Variants in NXPE4 observed in about 807,000 individuals in gnomAD.
The protein encoded by NXPE4 is neurexophilin and PC-esterase domain family member 4, also known as NXPE family member 4.
A neutral mutation model predicts 33.3 loss-of-function variants in NXPE4; 42 were observed. That is an observed-to-expected ratio of 1.26 (90% CI 0.98 to 1.63). The LOEUF is 1.63. Among genes scored for constraint, NXPE4 ranks in the 40% most tolerant of loss-of-function variants. NXPE4 has a pLI of 0.00. For missense variants in NXPE4, 709 were observed against 647.6 expected, an observed-to-expected ratio of 1.09 and a Z score of -1.03; for synonymous variants, 253 against 234.9, an observed-to-expected ratio of 1.08 and a Z score of -0.71.
the NXPE4 span, among the ~76,000 whole-genome samples, chr11:114,601,341 G>C: frequency 6.8e-6 from 1 of 147,026 alleles, no homozygotes; most frequent in African/African-American, 2.5e-5. Context: ...AGAATATGTG[G>C]TATTTGGTTT....
the NXPE4 span, among the ~76,000 whole-genome samples, chr11:114,665,574 C>T: frequency 1.3e-5 from 2 of 152,138 alleles, no homozygotes; most frequent in African/African-American, 2.4e-5. Flanking sequence ...CTGAAGCCCA[C>T]GTAGTTAACA....
At chr11:114,605,228 C>T in the NXPE4 span, among the ~76,000 whole-genome samples, 1 of 151,902 alleles carries the variant, frequency 6.6e-6, no homozygotes, top group Non-Finnish European at 1.5e-5. Flanking sequence ...TGGGTAACTG[C>T]TGTTACCCAC....
chr11:114,667,518 T>C, the NXPE4 span, among the ~76,000 whole-genome samples: 4 of 152,280 alleles, frequency 2.6e-5, no homozygotes, highest in Admixed American at 2.6e-4. Context: ...AATGGATTTG[T>C]CTTGCTTCTA....
At chr11:114,608,863 A>C in the NXPE4 span, among the ~76,000 whole-genome samples, 4 of 150,872 alleles carry the variant, frequency 2.7e-5, no homozygotes. Flanking sequence ...GTGGGTAACC[A>C]CTCTTACCCG....
At chr11:114,621,684 C>T in the NXPE4 span, among the ~76,000 whole-genome samples, 1 of 152,146 alleles carries the variant, frequency 6.6e-6, no homozygotes, top group African/African-American at 2.4e-5. Context: ...AGTGATGCCT[C>T]ATTGGTAACC....
At chr11:114,590,475 A>G (rs1031584798) in intron 2 of NXPE4, among the ~76,000 whole-genome samples, 1 of 152,288 alleles carries the variant, frequency 6.6e-6, no homozygotes, top group African/African-American at 2.4e-5. Context: ...GGTGAGATAG[A>G]TCATCCTCTA....
the NXPE4 span, among the ~76,000 whole-genome samples, chr11:114,602,042 ATATAT>A: frequency 1.8e-3 from 163 of 91,470 alleles, no homozygotes; most frequent in African/African-American, 5.1e-3. Flanking sequence ...ACTATATAAT[ATATAT>A]TATATTATAT....
At chr11:114,606,784 C>T in the NXPE4 span, among the ~76,000 whole-genome samples, 5 of 148,744 alleles carry the variant, frequency 3.4e-5, no homozygotes, top group East Asian at 2.0e-4. Context: ...ATTATCCAGT[C>T]GATAATAGGT....
chr11:114,630,114 T>A, the NXPE4 span, among the ~76,000 whole-genome samples: 1 of 151,774 alleles, frequency 6.6e-6, no homozygotes, highest in African/African-American at 2.4e-5. Context: ...ATTTACAGAT[T>A]CAATGCTGTA....
the NXPE4 span, among the ~76,000 whole-genome samples, chr11:114,653,442 G>T: frequency 3.5e-4 from 53 of 151,548 alleles, no homozygotes; most frequent in African/African-American, 1.2e-3. Context: ...TCTGCCTCCA[G>T]AAGGCAGCTT....
chr11:114,613,535 C>T, the NXPE4 span, among the ~76,000 whole-genome samples: 1 of 151,782 alleles, frequency 6.6e-6, no homozygotes, highest in Non-Finnish European at 1.5e-5. Flanking sequence ...TGGGTAATCA[C>T]TGTTACCTGC....
chr11:114,594,609 G>A, intron 2 of NXPE4, 55 bp downstream of exon 2: 2 of 1,118,126 alleles, frequency 1.8e-6, no homozygotes, highest in East Asian at 2.4e-5. Context: ...TAGAACAGAT[G>A]AGGTAATAAG....
At chr11:114,631,319 T>C in the NXPE4 span, among the ~76,000 whole-genome samples, 1 of 151,832 alleles carries the variant, frequency 6.6e-6, no homozygotes, top group Admixed American at 6.6e-5. Flanking sequence ...GTGGCACATA[T>C]ACAGCATGGA....
the NXPE4 span, among the ~76,000 whole-genome samples, chr11:114,611,928 G>A: frequency 4.0e-5 from 6 of 150,122 alleles, no homozygotes; most frequent in South Asian, 2.1e-4. Flanking sequence ...AATTTTGCCC[G>A]GTGGGTAACC....
chr11:114,571,062 T>C lies in NXPE4; in HGVS notation c.1511A>G (p.Gln504Arg), dbSNP rs746661821. 4 of 1,614,000 alleles carry C rather than the reference T, an allele frequency of 2.5e-6. No individual in the cohort carries two copies. In the South Asian group the frequency reaches 3.3e-5, roughly 13 times the overall value. Reference protein sequence around the residue: ...IQYLIIKDIFQDLSVSIIDAW... With the variant: ...IQYLIIKDIFRDLSVSIIDAW... ...ATCAATGATACTCACACTGAGATCC[T>C]GGAAAATGTCCTTTATGATGAGATA... Residue 504 changes from glutamine (Q) to arginine (R), a missense_variant, in exon 6 of 6, where the codon CAG becomes CGG. Gln to Arg is a conservative substitution (Grantham distance 43, BLOSUM62 1). Transcript: ENST00000375478.
chr11:114,657,230 C>G, the NXPE4 span, among the ~76,000 whole-genome samples: 2 of 152,190 alleles, frequency 1.3e-5, no homozygotes, highest in African/African-American at 4.8e-5. Flanking sequence ...CTACCTCTAT[C>G]TCTGATTGCA....
the NXPE4 span, among the ~76,000 whole-genome samples, chr11:114,635,646 C>A: frequency 6.6e-6 from 1 of 151,776 alleles, no homozygotes; most frequent in African/African-American, 2.4e-5. Flanking sequence ...CCCATCAATA[C>A]CTAATTTATT....
the NXPE4 span, among the ~76,000 whole-genome samples, chr11:114,634,734 T>A: frequency 2.6e-5 from 4 of 152,060 alleles, no homozygotes; most frequent in East Asian, 5.8e-4. Flanking sequence ...CTTTCCCCAT[T>A]GCTTGTTTTT....
At chr11:114,632,951 A>G in the NXPE4 span, among the ~76,000 whole-genome samples, 4 of 100,766 alleles carry the variant, frequency 4.0e-5, no homozygotes, top group East Asian at 5.2e-4. Flanking sequence ...ATTATATGAT[A>G]TTTTATATAA....
Sources: gnomAD v4.1 joint callset for allele counts (sites outside exome capture counted in the v4.1 genomes callset) on GRCh38, gnomAD v4.1.1 for gene constraint, MANE v1.5 for transcripts, NCBI Gene and HGNC (gene_info 2026-07-23, HGNC 2026-07-21) for gene names.